The following TINAGL1 variants were observed in gnomAD, a reference collection of about 807,000 sequenced individuals.
TINAGL1 encodes the protein tubulointerstitial nephritis antigen-like.
TINAGL1 carries 34 observed loss-of-function variants against 62.0 expected under a neutral mutation model. The observed-to-expected ratio is 0.55, with a 90% CI of 0.42 to 0.73. TINAGL1 has a LOEUF of 0.73. Among genes scored for constraint, TINAGL1 ranks in the 30% least tolerant of loss-of-function variants. The pLI, the probability that TINAGL1 is intolerant of heterozygous loss-of-function variation, is 0.00. For synonymous variants in TINAGL1, 221 were observed against 249.7 expected, an observed-to-expected ratio of 0.88 and a Z score of 1.08; for missense variants, 516 against 653.2, an observed-to-expected ratio of 0.79 and a Z score of 2.29.
intron 3 of TINAGL1, among the ~76,000 whole-genome samples, chr1:31,582,357 G>T (rs1639268875): frequency 6.6e-6 from 1 of 151,672 alleles, no homozygotes; most frequent in Non-Finnish European, 1.5e-5. Context: ...AAGGGGAGCA[G>T]GCAGATTGGT....
chr1:31,578,837 G>A (rs569209301), intron 2 of TINAGL1, among the ~76,000 whole-genome samples: 66 of 140,692 alleles, frequency 4.7e-4, no homozygotes, highest in Non-Finnish European at 8.2e-4. Flanking sequence ...GTGTGTGTGT[G>A]TGTGATGTCT....
Position 31,583,189 on chromosome 1 carries a change from C to T in TINAGL1, c.415C>T (p.Pro139Ser). ...CAGGCAGTGGCAGTGTGACCAAGAA[C>T]CATGCCTGGTGGATCCAGACATGAT... ...ENRQWQCDQEPCLVDPDMIKA... is the reference protein window; with the variant it reads ...ENRQWQCDQESCLVDPDMIKA... The change falls in exon 4 of 12, where the codon CCA (proline) becomes TCA (serine). Residue 139 changes from proline to serine, a missense_variant. Coordinates refer to ENST00000271064, the MANE Select transcript of TINAGL1 (RefSeq NM_022164.3). This position sits in a 1 kb window ranked among gnomAD's most constrained non-coding sequence, Gnocchi z 4.4. The T allele has an allele frequency of 6.2e-7, 1 of 1,614,198 alleles. No individual in the cohort carries two copies. Among genetic ancestry groups the T allele is most frequent in the Non-Finnish European group, 8.5e-7 (1 of 1,180,034 alleles).
chr1:31,581,244 A>G (rs542623466), intron 3 of TINAGL1, among the ~76,000 whole-genome samples: 56 of 135,730 alleles, frequency 4.1e-4, no homozygotes, highest in African/African-American at 1.4e-3. Context: ...ACACGGTCTG[A>G]TTTACGTTCT....
chr1:31,580,436 T>C (rs1008809151), intron 3 of TINAGL1: 6 of 1,288,252 alleles, frequency 4.7e-6, no homozygotes, highest in Non-Finnish European at 6.1e-6. Flanking sequence ...GGTGGGGGAG[T>C]GTCCAGGGTG....
At position 31,585,836 on chromosome 1, in the gene TINAGL1, A is replaced by G; in HGVS notation, c.1177A>G (p.Arg393Gly). The G allele has an allele frequency of 3.7e-6, 6 of 1,609,392 alleles. No individual in the cohort carries two copies. Among genetic ancestry groups the G allele is most frequent in the Non-Finnish European group, 5.1e-6 (6 of 1,177,824 alleles). The change falls in exon 10 of 12, where the codon AGA (arginine) becomes GGA (glycine). Residue 393 changes from arginine to glycine, a missense_variant. Transcript: ENST00000271064. This position sits in a 1 kb window ranked among gnomAD's most constrained non-coding sequence, Gnocchi z 4.3. ...HTPVSLGRPE[R>G]YRRHGTHSVK... Reference sequence around the variant, plus strand: ...GCCAGTGAGCCTTGGGAGGCCAGAGAGATACCGCCGGCATGGGACCCACTC... The same window carrying G: ...GCCAGTGAGCCTTGGGAGGCCAGAGGGATACCGCCGGCATGGGACCCACTC...
Position 31,587,230 on chromosome 1 carries a change from C to T in TINAGL1, c.*251C>T. On this transcript the variant is annotated 3_prime_UTR_variant, in exon 12 of 12. Transcript: ENST00000271064. ...GCCTGGCCTGGGAAGAGCACAGCTG[C>T]AGATCCCAGGCCTCTGGCGCCCCCA... The T allele has an allele frequency of 2.4e-6, 1 of 418,580 alleles. No individual in the cohort carries two copies. Among genetic ancestry groups the T allele is most frequent in the Non-Finnish European group, 3.9e-6 (1 of 256,252 alleles). 25.9% of individuals were successfully genotyped at this position (418,580 alleles called of 1,614,324 possible).
In TINAGL1 at chr1:31,587,493, T is replaced by C. The variant is rs1639431238; in HGVS notation, c.*514T>C. 1 of 152,236 alleles carries C rather than the reference T, an allele frequency of 6.6e-6. No individual in the cohort carries two copies. Among genetic ancestry groups the C allele is most frequent in the Non-Finnish European group, 1.5e-5 (1 of 68,154 alleles). The allele number at this position is 152,236 out of a possible 1,614,324, so 9.4% of individuals were successfully genotyped here. The stretch of plus-strand genomic sequence containing the variant: ...CACCACACCTGGCTAATTTTTGTAT[T>C]TTTTGTAAAGAGGGGGGTCTCACTG... On this transcript the variant is annotated 3_prime_UTR_variant, in exon 12 of 12. Coordinates refer to ENST00000271064, the MANE Select transcript of TINAGL1 (RefSeq NM_022164.3).
rs116470242 is a variant in TINAGL1 at position 31,587,030 on chromosome 1, C to T, written c.*51C>T. 76 of 1,398,940 alleles carry T rather than the reference C, an allele frequency of 5.4e-5. No homozygotes were observed. In the African/African-American group the frequency reaches 9.1e-4, roughly 17 times the overall value. The allele number at this position is 1,398,940 out of a possible 1,614,324, so 86.7% of individuals were successfully genotyped here. A position where few individuals can be genotyped will look rare whatever the true frequency, so the allele number is the denominator to read the frequency against. ...GCCTGGGATCCAGGCTAAGGGCCGG[C>T]GGAAGAGGCCCCAATGGGGCGGTGA... On this transcript the variant is annotated 3_prime_UTR_variant, in exon 12 of 12. Transcript: ENST00000271064.
rs774226486 is a variant in TINAGL1 at position 31,585,162 on chromosome 1, A to G, written c.869A>G (p.Asp290Gly). The G allele has an allele frequency of 6.3e-7, 1 of 1,579,802 alleles. No individual in the cohort carries two copies. Reference protein sequence around the residue: ...WFLRRRGVVSDHCYPFSGRER... With the variant: ...WFLRRRGVVSGHCYPFSGRER... ...TGCTGCCTTTGCAGGGTGGTGTCTGACCACTGCTACCCCTTCTCGGGCCGT... is the reference window on the plus strand; with the variant it reads ...TGCTGCCTTTGCAGGGTGGTGTCTGGCCACTGCTACCCCTTCTCGGGCCGT... Residue 290 changes from aspartate to glycine, a missense_variant, in exon 8 of 12, where the codon GAC becomes GGC. Asp to Gly is a moderately conservative substitution (Grantham distance 94). Transcript: ENST00000271064. This position sits in a 1 kb window ranked among gnomAD's most constrained non-coding sequence, Gnocchi z 4.3.
Position 31,579,259 on chromosome 1 carries a change from T to C in TINAGL1, c.366T>C (p.Cys122=). Reference sequence around the variant, plus strand: ...TCTTGGGAACGTACTGGGACAACTGTAACCGTTGGTGAGTGTTTGGAGCTT... The same window carrying C: ...TCTTGGGAACGTACTGGGACAACTGCAACCGTTGGTGAGTGTTTGGAGCTT... ...YPVLGTYWDN[C]NRCTCQENRQ... Residue 122 remains cysteine, a synonymous_variant, in exon 3 of 12, where the codon TGT becomes TGC. Transcript: ENST00000271064. 1 of 1,614,034 alleles carries C rather than the reference T, an allele frequency of 6.2e-7. No homozygotes were observed. Among genetic ancestry groups the C allele is most frequent in the Non-Finnish European group, 8.5e-7 (1 of 1,179,898 alleles).
At chr1:31,580,684 G>T in intron 3 of TINAGL1, 2 of 1,283,474 alleles carry the variant, frequency 1.6e-6, no homozygotes, top group South Asian at 1.2e-5. Context: ...GGAGGTGGGA[G>T]CCTTGGACAG....
At chr1:31,578,073 T>G (rs1183558531) in intron 2 of TINAGL1, 1 of 883,464 alleles carries the variant, frequency 1.1e-6, no homozygotes, top group African/African-American at 1.8e-5. Flanking sequence ...ACTCCCCATC[T>G]CCAAGCCCTA....
rs750891770 is a variant in TINAGL1, at chr1:31,583,538, G to A, written c.545G>A (p.Arg182His). The A allele has an allele frequency of 1.9e-5, 31 of 1,613,784 alleles. No individual in the cohort carries two copies. The highest frequency in any genetic ancestry group is 8.8e-5 in the South Asian group (8 of 91,036). The change falls in exon 5 of 12, where the codon CGC (arginine) becomes CAC (histidine). Residue 182 changes from arginine (R) to histidine (H), a missense_variant. Arg to His is a conservative substitution (Grantham distance 29, BLOSUM62 0). Coordinates refer to ENST00000271064, the MANE Select transcript of TINAGL1 (RefSeq NM_022164.3). The surrounding 1 kb of genome is among the most constrained non-coding windows in gnomAD (Gnocchi z 4.4). ...ATTCGCTACCGCCTGGGCACCATCC[G>A]CCCATCTTCCTCGGTCATGAACATG... is the stretch of plus-strand genomic sequence containing the variant. ...EGIRYRLGTI[R>H]PSSSVMNMHE... is the part of the protein sequence containing the mutation.
Position 31,583,499 on chromosome 1 carries a change from C to T in TINAGL1, c.506C>T (p.Thr169Ile), listed in dbSNP as rs748174330. Residue 169 changes from threonine to isoleucine, a missense_variant, in exon 5 of 12, where the codon ACC becomes ATC. Transcript: ENST00000271064. This position sits in a 1 kb window ranked among gnomAD's most constrained non-coding sequence, Gnocchi z 4.4. ...AACCACAGCGCCTTCTGGGGCATGA[C>T]CCTGGATGAGGGCATTCGCTACCGC... is the stretch of plus-strand genomic sequence containing the variant. ...AGNHSAFWGM[T>I]LDEGIRYRLG... 6.2e-7 allele frequency: 1 copy of T among 1,614,074 alleles called. No individual in the cohort carries two copies. Among genetic ancestry groups the T allele is most frequent in the Non-Finnish European group, 8.5e-7 (1 of 1,180,000 alleles).
Position 31,583,299 on chromosome 1 carries a change from A to C in TINAGL1, c.467+58A>C. 1 of 1,568,890 alleles carries C rather than the reference A, an allele frequency of 6.4e-7. No individual in the cohort carries two copies. Among genetic ancestry groups the C allele is most frequent in the Non-Finnish European group, 8.8e-7 (1 of 1,139,452 alleles). On this transcript the variant is annotated intron_variant, in intron 4 of 11. Transcript: ENST00000271064. The surrounding 1 kb of genome is among the most constrained non-coding windows in gnomAD (Gnocchi z 4.4). ...CACATGCATACTCATGCATGTATAC[A>C]CGCATGCTGTGCTGTGGGGCACGTC...
At position 31,576,985 on chromosome 1, in the gene TINAGL1, G is replaced by C; in HGVS notation, c.-15-149G>C. On this transcript the variant is annotated intron_variant, in intron 1 of 11. Transcript: ENST00000271064. This position sits in a 1 kb window ranked among gnomAD's most constrained non-coding sequence, Gnocchi z 5.1. ...CCCTATAGCCAGGGCCCACACACTGGGGCTCCTCTGCCCGTGTCCTGCCTG... is the reference window on the plus strand; with the variant it reads ...CCCTATAGCCAGGGCCCACACACTGCGGCTCCTCTGCCCGTGTCCTGCCTG... 1.4e-6 allele frequency: 1 copy of C among 689,670 alleles called. No homozygotes were observed. Among genetic ancestry groups the C allele is most frequent in the East Asian group, 2.8e-5 (1 of 35,144 alleles). The allele number at this position is 689,670 out of a possible 1,614,324, so 42.7% of individuals were successfully genotyped here. A position where few individuals can be genotyped will look rare whatever the true frequency, so the allele number is the denominator to read the frequency against.
chr1:31,576,992 T>G lies in TINAGL1; in HGVS notation c.-15-142T>G, dbSNP rs951075743. On this transcript the variant is annotated intron_variant, in intron 1 of 11. Transcript: ENST00000271064. The surrounding 1 kb of genome is among the most constrained non-coding windows in gnomAD (Gnocchi z 5.1). ...GCCAGGGCCCACACACTGGGGCTCC[T>G]CTGCCCGTGTCCTGCCTGGGGACTC... 4.0e-6 allele frequency: 3 copies of G among 744,530 alleles called. No homozygotes were observed. The Admixed American group carries it at 9.6e-5, about 24-fold the overall frequency. 46.1% of individuals were successfully genotyped at this position (744,530 alleles called of 1,614,324 possible).
Position 31,583,423 on chromosome 1 carries a change from G to A in TINAGL1, c.468-38G>A, listed in dbSNP as rs376286118. On this transcript the variant is annotated intron_variant, in intron 4 of 11. Transcript: ENST00000271064. This position sits in a 1 kb window ranked among gnomAD's most constrained non-coding sequence, Gnocchi z 4.4. ...ACCCACGCCAAGGACCCTGAGCCTC[G>A]GCAGATCTGTGACTTCCTTCCGTCC... 5.1e-5 allele frequency: 81 copies of A among 1,593,178 alleles called. 1 individual carries two copies. The African/African-American group carries it at 6.4e-4, about 13-fold the overall frequency.
At chr1:31,582,495 T>C (rs894598085) in intron 3 of TINAGL1, among the ~76,000 whole-genome samples, 1 of 152,130 alleles carries the variant, frequency 6.6e-6, no homozygotes, top group African/African-American at 2.4e-5. Flanking sequence ...TATTCTGTGA[T>C]GTGAAGCCAG....
Sources: gnomAD v4.1 joint callset for allele counts (sites outside exome capture counted in the v4.1 genomes callset) on GRCh38, gnomAD v4.1.1 for gene constraint, Gnocchi (gnomAD v3.1) non-coding constraint, MANE v1.5 for transcripts, NCBI Gene and HGNC (gene_info 2026-07-23, HGNC 2026-07-21) for gene names.